The following TUBB8B variants were observed in gnomAD, a reference collection of about 807,000 sequenced individuals.
The protein encoded by TUBB8B is HSA18p11 beta-tubulin 4Q pseudogene.
TUBB8B carries 26 observed loss-of-function variants against 31.9 expected under a neutral mutation model. The ratio of observed to expected loss-of-function variants is 0.81; its 90% confidence interval spans 0.60 to 1.13. The LOEUF is 1.13. Among genes scored for constraint, TUBB8B ranks in the 50% most tolerant of loss-of-function variants. The probability of loss-of-function intolerance (pLI) is 0.00; values close to 1 mark genes in which losing one functional copy is unlikely to be tolerated. For missense variants in TUBB8B, 467 were observed against 586.7 expected (o/e 0.80, Z 2.11); for synonymous variants, 173 against 231.0 (o/e 0.75, Z 2.28).
intron 3 of TUBB8B, 135 bp from the exon 4 acceptor site, chr18:48,582 T>C (rs12104106): frequency 0.15 from 108,412 of 740,322 alleles, 10,980 homozygotes; most frequent in African/African-American, 0.28. Context: ...CAAATGAAAC[T>C]CCCTCCTCCA....
the TUBB8B span, among the ~76,000 whole-genome samples, chr18:61,155 C>G: frequency 6.6e-6 from 1 of 151,414 alleles, no homozygotes; most frequent in Non-Finnish European, 1.5e-5. Context: ...ATATATATTT[C>G]TTATTATATC....
the TUBB8B span, among the ~76,000 whole-genome samples, chr18:73,068 G>A: frequency 6.6e-6 from 1 of 152,092 alleles, no homozygotes; most frequent in African/African-American, 2.4e-5. Flanking sequence ...CCCACCGCCC[G>A]ACGGCGTCTC....
chr18:66,596 T>C, the TUBB8B span, among the ~76,000 whole-genome samples: 683 of 152,320 alleles, frequency 4.5e-3, 10 homozygotes, highest in Non-Finnish European at 6.3e-3. Flanking sequence ...TATGGGTTTA[T>C]TTCTGAACTC....
the TUBB8B span, among the ~76,000 whole-genome samples, chr18:55,823 G>T: frequency 1.3e-5 from 2 of 151,682 alleles, no homozygotes; most frequent in South Asian, 2.1e-4. Flanking sequence ...CTTTAAAAAA[G>T]CTTTCTGACT....
At chr18:54,710 T>C in the TUBB8B span, among the ~76,000 whole-genome samples, 1 of 152,160 alleles carries the variant, frequency 6.6e-6, no homozygotes, top group Admixed American at 6.5e-5. Flanking sequence ...TGACAGACTC[T>C]CATTCTTTCT....
chr18:70,639 A>G, the TUBB8B span, among the ~76,000 whole-genome samples: 4 of 151,546 alleles, frequency 2.6e-5, no homozygotes, highest in Non-Finnish European at 5.9e-5. Context: ...CATCTCAAAA[A>G]AGAAAAAGAA....
chr18:50,386 AG>A (rs1219879730), upstream of TUBB8B: 3 of 159,108 alleles, frequency 1.9e-5, no homozygotes, highest in Non-Finnish European at 4.1e-5. Context: ...TCCTGCAGAA[AG>A]GTATCGGAGT....
At chr18:69,086 G>T in the TUBB8B span, among the ~76,000 whole-genome samples, 3 of 152,262 alleles carry the variant, frequency 2.0e-5, no homozygotes, top group Admixed American at 2.0e-4. Context: ...TGTAGATCAA[G>T]GAAATAATAG....
At chr18:72,196 A>AAAAAAAAAAAAAAACAACAAC in the TUBB8B span, among the ~76,000 whole-genome samples, 3 of 84,534 alleles carry the variant, frequency 3.5e-5, no homozygotes, top group African/African-American at 7.8e-5. Context: ...AAAAAAAAAA[A>AAAAAAAAAAAAAAACAACAAC]AAAGGAAAAA....
chr18:48,421 C>T lies in TUBB8B; in HGVS notation c.304G>A (p.Ala102Thr), dbSNP rs1309736831. The T allele has an allele frequency of 6.2e-7, 1 of 1,611,442 alleles. No individual in the cohort carries two copies. The highest frequency in any genetic ancestry group is 2.2e-5 in the East Asian group (1 of 44,866). Residue 102 changes from alanine (A) to threonine (T), a missense_variant, in exon 4 of 4, where the codon GCC becomes ACC. Physicochemically the swap from Ala to Thr is moderately conservative, Grantham distance 58. Around this residue, in one of 2 missense-constraint regions of TUBB8B, gnomAD observed 259 missense variants for 380.1 expected, o/e 0.68. Coordinates refer to ENST00000308911, the MANE Select transcript of TUBB8B (RefSeq NM_001358689.2). ...GCGCCTTCTGTGTAGCGTCCCTTGG[C>T]CCAGTTGTTTCCGGCCCCACACTGA... The part of the protein sequence containing the change: ...SGQCGAGNNW[A>T]KGRYTEGAEL...
upstream of TUBB8B, chr18:49,824 T>C (rs373086784): frequency 0.071 from 33,115 of 468,174 alleles, 32 homozygotes; most frequent in Middle Eastern, 0.12. Context: ...GGAGAACTTC[T>C]TCCCACGTCT....
At chr18:51,910 G>A (rs1600580563), upstream of TUBB8B, among the ~76,000 whole-genome samples, 1 of 151,616 alleles carries the variant, frequency 6.6e-6, no homozygotes, top group Non-Finnish European at 1.5e-5. Flanking sequence ...AGCAGCATGA[G>A]AGCAGACTAA....
At chr18:63,410 T>C in the TUBB8B span, among the ~76,000 whole-genome samples, 257 of 151,872 alleles carry the variant, frequency 1.7e-3, 1 homozygote, top group Middle Eastern at 0.017. Flanking sequence ...GTAGAGATTC[T>C]AGTTCTCTTC....
chr18:54,775 A>G, the TUBB8B span, among the ~76,000 whole-genome samples: 1 of 151,918 alleles, frequency 6.6e-6, no homozygotes, highest in African/African-American at 2.4e-5. Flanking sequence ...CTATCCAGTC[A>G]TCTGTTGATG....
the TUBB8B span, among the ~76,000 whole-genome samples, chr18:57,120 A>C: frequency 6.6e-6 from 1 of 151,814 alleles, no homozygotes; most frequent in Non-Finnish European, 1.5e-5. Context: ...CACCTAAACT[A>C]TATCATTTTG....
the TUBB8B span, among the ~76,000 whole-genome samples, chr18:58,421 T>A: frequency 6.6e-6 from 1 of 151,702 alleles, no homozygotes; most frequent in African/African-American, 2.4e-5. Flanking sequence ...ACAGAAACCC[T>A]AAATCATCAC....
At chr18:72,394 G>A in the TUBB8B span, among the ~76,000 whole-genome samples, 1 of 152,132 alleles carries the variant, frequency 6.6e-6, no homozygotes, top group Non-Finnish European at 1.5e-5. Flanking sequence ...AACTTAGGAT[G>A]AGAATGTTTA....
chr18:60,257 T>C, the TUBB8B span, among the ~76,000 whole-genome samples: 3 of 151,986 alleles, frequency 2.0e-5, no homozygotes, highest in Admixed American at 2.0e-4. Flanking sequence ...GGTTTTCTAA[T>C]TTGTTGGCAT....
At position 49,039 on chromosome 18, in the gene TUBB8B, C is replaced by T. The variant is rs760846380; in HGVS notation, c.178G>A (p.Val60Met). 23 of 1,604,260 alleles carry T rather than the reference C, an allele frequency of 1.4e-5. No individual in the cohort carries two copies. The highest frequency in any genetic ancestry group is 1.3e-4 in the Admixed American group (8 of 59,830). The change falls in exon 3 of 4, where the codon GTG (valine) becomes ATG (methionine). Residue 60 changes from valine (V) to methionine (M), a missense_variant. By Grantham distance (21) the Val-to-Met change is conservative. Coordinates refer to ENST00000308911, the MANE Select transcript of TUBB8B (RefSeq NM_001358689.2). The stretch of plus-strand genomic sequence containing the variant: ...AGATCCACGAGCACAGCGCGGGGCA[C>T]GTACCTGCCACCTGCGTGGGGCGGG... ...HHHEASGGRY[V>M]PRAVLVDLEP...
Sources: allele counts gnomAD v4.1 joint callset (sites outside exome capture counted in the v4.1 genomes callset), GRCh38; gene constraint gnomAD v4.1.1; regional missense constraint gnomAD v4.1.1; transcripts MANE v1.5; gene names NCBI Gene and HGNC (gene_info 2026-07-23, HGNC 2026-07-21).